Variants in CTPS1 observed in about 807,000 individuals in gnomAD.
CTPS1 encodes CTP synthase 1.
Under a neutral mutation model 80.5 loss-of-function variants are expected in CTPS1, and 25 were observed. That is an observed-to-expected ratio of 0.31 (90% CI 0.23 to 0.43). The LOEUF is 0.43. Ranked by LOEUF, CTPS1 falls within the 20% of genes least tolerant of loss-of-function variation. The pLI is 1.00. For synonymous variants in CTPS1, 267 were observed against 252.5 expected (o/e 1.06, Z -0.54); for missense variants, 442 against 725.7 (o/e 0.61, Z 4.49).
intron 9 of CTPS1, among the ~76,000 whole-genome samples, chr1:41,000,242 G>GTTTTA (rs869119947): frequency 3.4e-4 from 52 of 151,472 alleles, no homozygotes; most frequent in Non-Finnish European, 2.9e-5. Flanking sequence ...GTTTTGTTTT[G>GTTTTA]TTTTGTTTTG....
Position 41,006,166 on chromosome 1 carries a change from A to G in CTPS1, c.1296+72A>G, listed in dbSNP as rs975118229. ...GGGGCATTTATGAACGTGATTGATG[A>G]TTAGAGACAAGAAGTGAGACTGCTT... On this transcript the variant is annotated intron_variant, in intron 13 of 18. Transcript: ENST00000650070. The G allele has an allele frequency of 4.7e-6, 6 of 1,286,464 alleles. No homozygotes were observed. In the African/African-American group the frequency reaches 7.3e-5, roughly 16 times the overall value. 79.7% of individuals were successfully genotyped at this position (1,286,464 alleles called of 1,614,324 possible).
chr1:40,983,366 A>T lies in CTPS1; in HGVS notation c.76A>T (p.Ile26Leu), dbSNP rs1164218562. Residue 26 changes from isoleucine to leucine, a missense_variant, in exon 2 of 19, where the codon ATA becomes TTA. By Grantham distance (5) the Ile-to-Leu change is conservative. Transcript: ENST00000650070. ...AATCATTGCCAGCAGTGTGGGCACA[A>T]TACTCAAGTCATGTGGTTTACATGT... ...KGIIASSVGT[I>L]LKSCGLHVTS... is the part of the protein sequence containing the mutation. The T allele has an allele frequency of 1.2e-6, 2 of 1,613,774 alleles. No homozygotes were observed. Among genetic ancestry groups the T allele is most frequent in the Non-Finnish European group, 1.7e-6 (2 of 1,179,764 alleles).
intron 12 of CTPS1, among the ~76,000 whole-genome samples, chr1:41,005,302 G>GT (rs1245433764): frequency 3.9e-5 from 6 of 152,068 alleles, no homozygotes; most frequent in Non-Finnish European, 5.9e-5. Context: ...AAGTTAGCTG[G>GT]GCATGGTGGT....
intron 18 of CTPS1, 53 bp downstream of exon 18, chr1:41,010,307 C>A: frequency 8.0e-7 from 1 of 1,246,628 alleles, no homozygotes; most frequent in Non-Finnish European, 1.2e-6. Flanking sequence ...TAACACACTG[C>A]GATTGCAAGA....
At chr1:41,001,866 G>GA (rs1352477974) in intron 10 of CTPS1, among the ~76,000 whole-genome samples, 3 of 151,362 alleles carry the variant, frequency 2.0e-5, no homozygotes, top group African/African-American at 7.3e-5. Flanking sequence ...CCTGTCTCAA[G>GA]AAAAAAAAAT....
At chr1:40,991,910 TC>T in intron 7 of CTPS1, 65 bp downstream of exon 7, 1 of 1,266,392 alleles carries the variant, frequency 7.9e-7, no homozygotes, top group Non-Finnish European at 1.2e-6. Flanking sequence ...AGCCTCTTGA[TC>T]AGTTTCGTGA....
At chr1:41,005,466 A>C (rs1209523126) in intron 12 of CTPS1, among the ~76,000 whole-genome samples, 1 of 151,944 alleles carries the variant, frequency 6.6e-6, no homozygotes, top group African/African-American at 2.4e-5. Context: ...AAAAAAAAAA[A>C]CTGTCAAAGA....
chr1:41,009,297 G>T, intron 16 of CTPS1, 148 bp from the exon 17 acceptor site: 3 of 827,252 alleles, frequency 3.6e-6, no homozygotes, highest in Non-Finnish European at 5.5e-6. Context: ...CTCATGCTTT[G>T]AGGTTCCCTT....
chr1:40,994,162 G>T (rs1395400478), intron 7 of CTPS1, among the ~76,000 whole-genome samples: 16 of 152,098 alleles, frequency 1.1e-4, no homozygotes, highest in Non-Finnish European at 2.1e-4. Context: ...TTTATGGATT[G>T]TGCTTTCACT....
At position 40,985,001 on chromosome 1, in the gene CTPS1, G is replaced by C. The variant is rs1434468705; in HGVS notation, c.337+10G>C. The C allele has an allele frequency of 3.3e-6, 5 of 1,537,716 alleles. No homozygotes were observed. The highest frequency in any genetic ancestry group is 4.4e-6 in the Non-Finnish European group (5 of 1,132,206). ...GGGAAAACTGTCCAAGGTAATACTG[G>C]ATTTACCTTTAAAGCTTAAAAGTCT... On this transcript the variant is annotated intron_variant, in intron 3 of 18. Transcript: ENST00000650070.
intron 9 of CTPS1, among the ~76,000 whole-genome samples, chr1:40,998,789 T>C (rs1295182302): frequency 6.6e-6 from 1 of 152,150 alleles, no homozygotes; most frequent in Non-Finnish European, 1.5e-5. Flanking sequence ...TGTCCCCACA[T>C]TGGGGTTTGC....
At chr1:40,984,042 G>A (rs1380884696) in intron 2 of CTPS1, among the ~76,000 whole-genome samples, 1 of 152,278 alleles carries the variant, frequency 6.6e-6, no homozygotes, top group African/African-American at 2.4e-5. Flanking sequence ...TTCTGCATTC[G>A]TACTCCTACT....
intron 8 of CTPS1, among the ~76,000 whole-genome samples, chr1:40,996,291 A>G (rs1157854084): frequency 6.6e-6 from 1 of 152,198 alleles, no homozygotes; most frequent in African/African-American, 2.4e-5. Context: ...CCGGGCCTCC[A>G]GACAATGAGT....
At position 41,012,258 on chromosome 1, in the gene CTPS1, T is replaced by A. The variant is rs1295620816; in HGVS notation, c.*610T>A. Reference sequence around the variant, plus strand: ...GATGTCTGTCTCTGAAGCGTGATTTTAAAATCCCCATGCCTGTGGCTGCGC... The same window carrying A: ...GATGTCTGTCTCTGAAGCGTGATTTAAAAATCCCCATGCCTGTGGCTGCGC... On this transcript the variant is annotated 3_prime_UTR_variant, in exon 19 of 19. Coordinates refer to ENST00000650070, the MANE Select transcript of CTPS1 (RefSeq NM_001905.4). The A allele has an allele frequency of 6.6e-6, 1 of 152,168 alleles. No individual in the cohort carries two copies. The highest frequency in any genetic ancestry group is 2.4e-5 in the African/African-American group (1 of 41,430). The allele number at this position is 152,168 out of a possible 1,614,324, so 9.4% of individuals were successfully genotyped here.
At chr1:40,982,215 A>G (rs899920764) in intron 1 of CTPS1, among the ~76,000 whole-genome samples, 2 of 151,858 alleles carry the variant, frequency 1.3e-5, no homozygotes, top group African/African-American at 4.8e-5. Context: ...CCACCGTGGC[A>G]CTGCTTTTTG....
At chr1:40,996,869 A>T (rs1363109468) in intron 8 of CTPS1, among the ~76,000 whole-genome samples, 1 of 152,048 alleles carries the variant, frequency 6.6e-6, no homozygotes, top group Non-Finnish European at 1.5e-5. Context: ...AATTTGTTTG[A>T]CACTTGCCTT....
At position 40,991,783 on chromosome 1, in the gene CTPS1, A is replaced by T; in HGVS notation, c.658A>T (p.Asn220Tyr). The T allele has an allele frequency of 6.2e-7, 1 of 1,614,040 alleles. No homozygotes were observed. The change falls in exon 7 of 19, where the codon AAT (asparagine) becomes TAT (tyrosine). Residue 220 changes from asparagine to tyrosine, a missense_variant. Around this residue, in one of 4 missense-constraint regions of CTPS1, gnomAD observed 321 missense variants for 467.2 expected, o/e 0.69. Coordinates refer to ENST00000650070, the MANE Select transcript of CTPS1 (RefSeq NM_001905.4). ...CTGCTAGGTTGTATGCAGGTGCTCA[A>T]ATCCACTTGACACATCAGTGAAGGA... ...SPDLVVCRCS[N>Y]PLDTSVKEKI... is the part of the protein sequence containing the mutation.
chr1:41,009,712 G>GA, intron 17 of CTPS1, 123 bp downstream of exon 17: 1 of 1,169,284 alleles, frequency 8.6e-7, no homozygotes, highest in Non-Finnish European at 1.2e-6. Flanking sequence ...CGCCTGGGGT[G>GA]AAAGTTTCCT....
In CTPS1 at chr1:41,002,262, G is replaced by A; in HGVS notation, c.1189+8G>A. On this transcript the variant is annotated splice_region_variant and intron_variant, in intron 11 of 18. Coordinates refer to ENST00000650070, the MANE Select transcript of CTPS1 (RefSeq NM_001905.4). ...AGAAAAAGCCTTTTTTGGGTAAGGA[G>A]CTCTGCAGTGCAGTCTTCACTTAAG... The A allele has an allele frequency of 1.2e-6, 2 of 1,610,136 alleles. No individual in the cohort carries two copies. The highest frequency in any genetic ancestry group is 1.7e-6 in the Non-Finnish European group (2 of 1,176,484).
Sources: allele counts gnomAD v4.1 joint callset (sites outside exome capture counted in the v4.1 genomes callset), GRCh38; gene constraint gnomAD v4.1.1; regional missense constraint gnomAD v4.1.1; transcripts MANE v1.5; gene names NCBI Gene and HGNC (gene_info 2026-07-23, HGNC 2026-07-21).